Variants in PLXNA1 observed in about 807,000 individuals in gnomAD.
PLXNA1 encodes the protein plexin-A1.
A neutral mutation model predicts 191.7 loss-of-function variants in PLXNA1; 77 were observed. The ratio of observed to expected loss-of-function variants is 0.40; its 90% CI spans 0.33 to 0.49. The LOEUF (loss-of-function observed/expected upper bound fraction) is 0.49, where lower values mean the gene tolerates loss of function less well. Ranked by LOEUF, PLXNA1 falls within the 20% of genes least tolerant of loss-of-function variation. The pLI, the probability that PLXNA1 is intolerant of heterozygous loss-of-function variation, is 0.63. For synonymous variants in PLXNA1, 1,137 were observed against 1,156.4 expected, an observed-to-expected ratio of 0.98 and a Z score of 0.34; for missense variants, 2,110 against 2,660.2, an observed-to-expected ratio of 0.79 and a Z score of 4.55.
In PLXNA1 at chr3:127,032,408, G is replaced by A. The variant is rs1244589965; in HGVS notation, c.5253G>A (p.Val1751=). 50 of 1,613,720 alleles carry A rather than the reference G, an allele frequency of 3.1e-5. No individual in the cohort carries two copies. The highest frequency in any genetic ancestry group is 4.2e-5 in the Non-Finnish European group (49 of 1,179,994). Residue 1751 remains valine, a synonymous_variant, in exon 30 of 32, where the codon GTG becomes GTA. Coordinates refer to ENST00000393409, the MANE Select transcript of PLXNA1 (RefSeq NM_032242.4). ...KSNCLPLRFW[V]NVIKNPQFVF... ...GCAGCCTGCCCCTGCGCTTCTGGGT[G>A]AACGTGATCAAGAACCCACAGTTTG...
Position 127,030,211 on chromosome 3 carries a change from T to C in PLXNA1, c.5062-32T>C, listed in dbSNP as rs1480928920. 1.9e-6 allele frequency: 3 copies of C among 1,607,694 alleles called. No individual in the cohort carries two copies. The East Asian group carries it at 6.7e-5, about 36-fold the overall frequency. ...AGGTGTAGGCAGCCAGGCAGCGCCC[T>C]GGGGCTCAGTGTCCCTGCCTGCCCC... On this transcript the variant is annotated intron_variant, in intron 28 of 31. Coordinates refer to ENST00000393409, the MANE Select transcript of PLXNA1 (RefSeq NM_032242.4).
chr3:127,006,571 C>T (rs765109902), intron 8 of PLXNA1, among the ~76,000 whole-genome samples: 13 of 152,170 alleles, frequency 8.5e-5, no homozygotes, highest in Non-Finnish European at 1.9e-4. Flanking sequence ...CCCATGGGCA[C>T]TGGCATGGAG....
chr3:127,021,734 GGTGGC>G (rs947505014), intron 21 of PLXNA1, among the ~76,000 whole-genome samples: 1 of 152,174 alleles, frequency 6.6e-6, no homozygotes, highest in Admixed American at 6.5e-5. Flanking sequence ...TCACGGAGAG[GGTGGC>G]GTGAGCAGCC....
At chr3:127,014,137 G>C (rs2079109080) in intron 11 of PLXNA1, 21 bp downstream of exon 11, 1 of 1,613,124 alleles carries the variant, frequency 6.2e-7, no homozygotes, top group African/African-American at 1.3e-5. Context: ...GCCCCGGCGG[G>C]GTGGGCAGTG....
chr3:126,989,218 A>C lies in PLXNA1; in HGVS notation c.625A>C (p.Asn209His), dbSNP rs1257444296. 6.2e-7 allele frequency: 1 copy of C among 1,613,644 alleles called. No individual in the cohort carries two copies. The highest frequency in any genetic ancestry group is 1.7e-5 in the Admixed American group (1 of 60,034). Residue 209 changes from asparagine to histidine, a missense_variant, in exon 2 of 32, where the codon AAC becomes CAC. Transcript: ENST00000393409. ...ACTGTCCAGCCGTCGGCTCATGGCC[A>C]ACGAGGAGGATGCCGACATGTTCGG... ...PTLSSRRLMANEEDADMFGFV... is the reference protein window; with the variant it reads ...PTLSSRRLMAHEEDADMFGFV...
intron 29 of PLXNA1, among the ~76,000 whole-genome samples, chr3:127,031,153 GCCA>G (rs990232613): frequency 1.1e-4 from 17 of 152,150 alleles, no homozygotes; most frequent in African/African-American, 3.9e-4. Context: ...CTTCCTCTCT[GCCA>G]CACAGGCAGG....
intron 21 of PLXNA1, among the ~76,000 whole-genome samples, chr3:127,021,421 C>T (rs914668550): frequency 6.6e-6 from 1 of 152,186 alleles, no homozygotes; most frequent in African/African-American, 2.4e-5. Context: ...TAATAGGGAA[C>T]ATATTGCCCT....
chr3:126,991,651 T>G, intron 3 of PLXNA1, 85 bp downstream of exon 3: 1 of 1,353,260 alleles, frequency 7.4e-7, no homozygotes, highest in Non-Finnish European at 9.9e-7. Flanking sequence ...GGCCCAGTGC[T>G]GCTGTATGCT....
Position 127,030,101 on chromosome 3 carries a change from G to A in PLXNA1, c.5061+37G>A. The A allele has an allele frequency of 2.5e-6, 4 of 1,603,322 alleles. No homozygotes were observed. The South Asian group carries it at 4.4e-5, about 18-fold the overall frequency. ...TGGCAGATGGGGGCAGGGGACGCTGGGCCAACTGAGCTCAGAGAAAGTGCC... is the reference window on the plus strand; with the variant it reads ...TGGCAGATGGGGGCAGGGGACGCTGAGCCAACTGAGCTCAGAGAAAGTGCC... On this transcript the variant is annotated intron_variant, in intron 28 of 31. Coordinates refer to ENST00000393409, the MANE Select transcript of PLXNA1 (RefSeq NM_032242.4).
In PLXNA1 at chr3:127,017,292, C is replaced by T. The variant is rs2079128531; in HGVS notation, c.3277-133C>T. On this transcript the variant is annotated intron_variant, in intron 17 of 31. Transcript: ENST00000393409. ...CCTGGTCCACGTCGGGTGGGTGGCC[C>T]AGGACCAGCCCTGCTAGTGCCTGGC... The T allele has an allele frequency of 3.7e-6, 5 of 1,365,490 alleles. No homozygotes were observed. In the South Asian group the frequency reaches 7.1e-5, roughly 19 times the overall value. The allele number at this position is 1,365,490 out of a possible 1,614,324, so 84.6% of individuals were successfully genotyped here.
chr3:126,995,260 C>A (rs1483527685), intron 3 of PLXNA1, among the ~76,000 whole-genome samples: 1 of 152,188 alleles, frequency 6.6e-6, no homozygotes, highest in African/African-American at 2.4e-5. Context: ...GCCTCTCCCC[C>A]TGGGGTGCCT....
At chr3:127,002,522 C>A (rs1275680456) in intron 3 of PLXNA1, among the ~76,000 whole-genome samples, 1 of 152,182 alleles carries the variant, frequency 6.6e-6, no homozygotes, top group African/African-American at 2.4e-5. Context: ...TGGGCCTAGG[C>A]CCCTGCCCTG....
Position 127,005,132 on chromosome 3 carries a change from GTCAAC to G in PLXNA1, c.1788_1792del (p.Asn597LeufsTer9). 1 of 1,612,762 alleles carries G rather than the reference GTCAAC, an allele frequency of 6.2e-7. No individual in the cohort carries two copies. Among genetic ancestry groups the G allele is most frequent in the Non-Finnish European group, 8.5e-7 (1 of 1,179,934 alleles). On this transcript the variant is annotated frameshift_variant, in exon 7 of 32. Coordinates refer to ENST00000393409, the MANE Select transcript of PLXNA1 (RefSeq NM_032242.4). LOFTEE classifies it high-confidence loss of function. ...GAACGTGCCTGACCTCTCAGCTGGC[GTCAAC>G]TGCTCCTTCGAGGACTTCACGGAAT...
Position 127,032,668 on chromosome 3 carries a change from C to A in PLXNA1, c.5445-18C>A. On this transcript the variant is annotated intron_variant, in intron 30 of 31. Transcript: ENST00000393409. ...GCCTGGACTCTGCTCATGTGCCCAC[C>A]TGGCCACTCACCTGCAGGTACTATG... 1 of 1,612,222 alleles carries A rather than the reference C, an allele frequency of 6.2e-7. No individual in the cohort carries two copies. The highest frequency in any genetic ancestry group is 8.5e-7 in the Non-Finnish European group (1 of 1,179,360).
chr3:127,005,689 G>A lies in PLXNA1; in HGVS notation c.1898-390G>A, dbSNP rs547837073. On this transcript the variant is annotated intron_variant, in intron 7 of 31. Coordinates refer to ENST00000393409, the MANE Select transcript of PLXNA1 (RefSeq NM_032242.4). ...GCGGAGACCTGGGGTCTTGCGGGGG[G>A]CTGCAGGCTGAAGGTGGGAGTGGGT... 4.6e-4 allele frequency among the ~76,000 whole-genome samples: 70 copies of A among 152,000 alleles called. No individual in the cohort carries two copies. The East Asian group carries it at 8.6e-3, about 19-fold the overall frequency.
chr3:127,000,289 G>A (rs1263949656), intron 3 of PLXNA1, among the ~76,000 whole-genome samples: 2 of 152,178 alleles, frequency 1.3e-5, no homozygotes, highest in South Asian at 2.1e-4. Flanking sequence ...CCCGGGACAC[G>A]TCAAGCCTCT....
At chr3:127,000,723 G>T (rs959272831) in intron 3 of PLXNA1, among the ~76,000 whole-genome samples, 2 of 152,230 alleles carry the variant, frequency 1.3e-5, no homozygotes, top group African/African-American at 2.4e-5. Flanking sequence ...CTAGGACACA[G>T]ACACATGTCC....
chr3:127,014,576 C>A lies in PLXNA1; in HGVS notation c.2703C>A (p.Arg901=). The A allele has an allele frequency of 6.2e-7, 1 of 1,613,056 alleles. No individual in the cohort carries two copies. Among genetic ancestry groups the A allele is most frequent in the East Asian group, 2.2e-5 (1 of 44,856 alleles). Residue 901 remains arginine (R), a synonymous_variant, in exon 13 of 32, where the codon CGC becomes CGA. Coordinates refer to ENST00000393409, the MANE Select transcript of PLXNA1 (RefSeq NM_032242.4). ...LRFEDVRLGV[R]VGKVLCSPVE... ...TCGAAGACGTGCGTCTGGGCGTGCG[C>A]GTGGGCAAGGTGCTGTGCAGCCCTG...
intron 9 of PLXNA1, among the ~76,000 whole-genome samples, chr3:127,009,334 C>T (rs1048691608): frequency 2.0e-5 from 3 of 152,026 alleles, no homozygotes; most frequent in African/African-American, 7.3e-5. Context: ...GAGGAAGTGG[C>T]CCCTGGAGTA....
Sources: allele counts gnomAD v4.1 joint callset (sites outside exome capture counted in the v4.1 genomes callset), GRCh38; gene constraint gnomAD v4.1.1; transcripts MANE v1.5; gene names NCBI Gene and HGNC (gene_info 2026-07-23, HGNC 2026-07-21).